DAB1: variants seen among roughly 807,000 people sequenced by gnomAD.
DAB1 encodes DAB adaptor protein 1, also known as disabled homolog 1.
DAB1 carries 15 observed loss-of-function variants against 64.6 expected under a neutral mutation model. That is an observed-to-expected ratio of 0.23 (90% CI 0.16 to 0.36). The LOEUF is 0.36. Among genes scored for constraint, DAB1 ranks in the 10% least tolerant of loss-of-function variants. The pLI, the probability that DAB1 is intolerant of heterozygous loss-of-function variation, is 1.00. For synonymous variants in DAB1, 235 were observed against 251.9 expected (o/e 0.93, Z 0.64); for missense variants, 596 against 706.7 (o/e 0.84, Z 1.78).
At chr1:58,049,301 G>C (rs1020251667) in intron 5 of DAB1, 1 of 678,372 alleles carries the variant, frequency 1.5e-6, no homozygotes, top group Non-Finnish European at 2.7e-6. Flanking sequence ...GGATGGCAGG[G>C]AGAAGAGAGA....
chr1:57,671,779 G>T (rs1239314635), intron 6 of DAB1, among the ~76,000 whole-genome samples: 1 of 151,866 alleles, frequency 6.6e-6, no homozygotes, highest in African/African-American at 2.4e-5. Flanking sequence ...GCCTTCCCTA[G>T]AATCTACCTC....
intron 11 of DAB1, among the ~76,000 whole-genome samples, chr1:57,017,758 T>C (rs1646481761): frequency 6.6e-6 from 1 of 152,338 alleles, no homozygotes; most frequent in South Asian, 2.1e-4. Context: ...GCCCTGGAGC[T>C]GAAATTTCAA....
At chr1:57,271,900 C>G (rs1006598224) in intron 2 of DAB1, among the ~76,000 whole-genome samples, 2 of 152,124 alleles carry the variant, frequency 1.3e-5, no homozygotes, top group African/African-American at 4.8e-5. Flanking sequence ...CTGGGCTGAG[C>G]TTTACAGATT....
intron 5 of DAB1, among the ~76,000 whole-genome samples, chr1:58,100,694 C>T (rs1242277488): frequency 6.6e-6 from 1 of 152,144 alleles, no homozygotes; most frequent in Non-Finnish European, 1.5e-5. Flanking sequence ...ATGTTTTATT[C>T]ATTTATTTTG....
At chr1:57,320,069 T>C (rs1169993483) in intron 1 of DAB1, among the ~76,000 whole-genome samples, 2 of 152,192 alleles carry the variant, frequency 1.3e-5, no homozygotes. Flanking sequence ...CGATAACAAA[T>C]GGCTTTATTC....
intron 14 of DAB1, among the ~76,000 whole-genome samples, chr1:57,002,599 A>G (rs1475648984): frequency 1.3e-5 from 2 of 152,178 alleles, no homozygotes; most frequent in African/African-American, 2.4e-5. Context: ...AATTTTGACA[A>G]TGTTCATGTT....
At chr1:58,265,200 A>C (rs1325217907) in intron 4 of DAB1, among the ~76,000 whole-genome samples, 1 of 152,218 alleles carries the variant, frequency 6.6e-6, no homozygotes, top group Non-Finnish European at 1.5e-5. Flanking sequence ...TCAATAAACA[A>C]GGAAACTGAG....
rs550731820 is a variant in DAB1 at position 57,713,283 on chromosome 1, G to T, written n.552-63618C>A. 2.0e-5 allele frequency among the ~76,000 whole-genome samples: 3 copies of T among 152,308 alleles called. No individual in the cohort carries two copies. The South Asian group carries it at 6.2e-4, about 32-fold the overall frequency. ...ACATAACCTAAGGATGAAGGCTTAG[G>T]AGTGGTAGGGAGAAAAAAGTCAGTC... is the stretch of plus-strand genomic sequence containing the variant. On this transcript the variant is annotated intron_variant and non_coding_transcript_variant, in intron 6 of 20. Transcript: ENST00000485760.
intron 5 of DAB1, among the ~76,000 whole-genome samples, chr1:57,988,892 C>T (rs892632213): frequency 6.6e-6 from 1 of 152,190 alleles, no homozygotes; most frequent in Non-Finnish European, 1.5e-5. Context: ...AGAGGCAAAG[C>T]ATACCTAGAT....
chr1:57,904,117 A>G (rs1373012218), intron 5 of DAB1, among the ~76,000 whole-genome samples: 1 of 152,190 alleles, frequency 6.6e-6, no homozygotes, highest in Non-Finnish European at 1.5e-5. Context: ...GTCCACTTAA[A>G]ATGCAGATTC....
At chr1:57,645,666 C>T (rs982473243) in intron 7 of DAB1, among the ~76,000 whole-genome samples, 1 of 152,176 alleles carries the variant, frequency 6.6e-6, no homozygotes, top group Non-Finnish European at 1.5e-5. Flanking sequence ...CAACAATACT[C>T]TATGGAAAGT....
At chr1:57,842,988 T>C (rs746559692) in intron 1 of DAB1, among the ~76,000 whole-genome samples, 2 of 152,238 alleles carry the variant, frequency 1.3e-5, no homozygotes, top group African/African-American at 4.8e-5. Context: ...GTATGGGTTG[T>C]CTGTCCTAGT....
chr1:57,969,300 T>C (rs573748101), intron 5 of DAB1, among the ~76,000 whole-genome samples: 1 of 152,110 alleles, frequency 6.6e-6, no homozygotes, highest in African/African-American at 2.4e-5. Flanking sequence ...CTTTTAGAGC[T>C]TCACAAATGT....
intron 5 of DAB1, among the ~76,000 whole-genome samples, chr1:57,908,434 G>C (rs1203799117): frequency 6.6e-6 from 1 of 152,132 alleles, no homozygotes; most frequent in African/African-American, 2.4e-5. Context: ...AGAGAGCCAG[G>C]GAGGGAGGAA....
intron 2 of DAB1, among the ~76,000 whole-genome samples, chr1:57,148,705 C>T (rs1659380002): frequency 1.3e-5 from 2 of 152,194 alleles, no homozygotes; most frequent in Non-Finnish European, 2.9e-5. Context: ...AGTTACTGTG[C>T]CAAGGGTTTC....
chr1:58,352,645 C>T (rs1276392263), intron 3 of DAB1, among the ~76,000 whole-genome samples: 2 of 152,170 alleles, frequency 1.3e-5, no homozygotes, highest in Non-Finnish European at 2.9e-5. Context: ...CATTACACAA[C>T]TCCAGGGGGT....
intron 1 of DAB1, among the ~76,000 whole-genome samples, chr1:57,334,763 G>A (rs370377626): frequency 6.6e-6 from 1 of 152,176 alleles, no homozygotes; most frequent in African/African-American, 2.4e-5. Flanking sequence ...CCATACAGAT[G>A]AGGAAACTGA....
At chr1:57,486,414 G>T (rs751516143) in intron 7 of DAB1, among the ~76,000 whole-genome samples, 1 of 152,160 alleles carries the variant, frequency 6.6e-6, no homozygotes, top group Non-Finnish European at 1.5e-5. Flanking sequence ...GCTGTCCTTT[G>T]TGGGACCCAG....
intron 4 of DAB1, among the ~76,000 whole-genome samples, chr1:58,199,881 G>A (rs972747917): frequency 1.3e-5 from 2 of 152,144 alleles, no homozygotes; most frequent in Non-Finnish European, 2.9e-5. Context: ...GTCATGCACG[G>A]ACCCAAGTTT....
Sources: allele counts gnomAD v4.1 joint callset (sites outside exome capture counted in the v4.1 genomes callset), GRCh38; gene constraint gnomAD v4.1.1; transcripts MANE v1.5; gene names NCBI Gene and HGNC (gene_info 2026-07-23, HGNC 2026-07-21).